CDH12: variants seen among roughly 807,000 people sequenced by gnomAD.
The protein encoded by CDH12 is cadherin-12.
In CDH12, 41 loss-of-function variants were observed where a neutral mutation model predicts 74.1. The ratio of observed to expected loss-of-function variants is 0.55; its 90% confidence interval spans 0.43 to 0.72. The LOEUF (loss-of-function observed/expected upper bound fraction) is 0.72, where lower values mean the gene tolerates loss of function less well. Among genes scored for constraint, CDH12 ranks in the 30% least tolerant of loss-of-function variants. The pLI, the probability that CDH12 is intolerant of heterozygous loss-of-function variation, is 0.00. For synonymous variants in CDH12, 399 were observed against 355.0 expected, an observed-to-expected ratio of 1.12 and a Z score of -1.39; for missense variants, 945 against 977.2, an observed-to-expected ratio of 0.97 and a Z score of 0.44.
intron 8 of CDH12, among the ~76,000 whole-genome samples, chr5:21,819,171 G>A (rs1748224972): frequency 6.6e-6 from 1 of 151,920 alleles, no homozygotes; most frequent in African/African-American, 2.4e-5. Flanking sequence ...AATTACATAA[G>A]CAGAATCTAT....
intron 1 of CDH12, among the ~76,000 whole-genome samples, chr5:22,620,681 T>G (rs1032034625): frequency 6.6e-6 from 1 of 152,170 alleles, no homozygotes; most frequent in Non-Finnish European, 1.5e-5. Flanking sequence ...AATGATCAAA[T>G]GCTAGGCTGC....
intron 1 of CDH12, among the ~76,000 whole-genome samples, chr5:22,598,908 G>C (rs1736723092): frequency 6.6e-6 from 1 of 152,034 alleles, no homozygotes; most frequent in South Asian, 2.1e-4. Flanking sequence ...TCCCTGACAT[G>C]TGCACAGCTG....
chr5:22,562,961 A>C (rs1199835108), intron 1 of CDH12, among the ~76,000 whole-genome samples: 2 of 147,804 alleles, frequency 1.4e-5, no homozygotes, highest in Non-Finnish European at 3.0e-5. Context: ...TATTTTATAT[A>C]ATGCATGTTT....
intron 6 of CDH12, among the ~76,000 whole-genome samples, chr5:21,885,689 C>CT (rs1191433986): frequency 6.6e-6 from 1 of 152,152 alleles, no homozygotes; most frequent in South Asian, 2.1e-4. Flanking sequence ...AGGATATTCA[C>CT]TTTTTATGCA....
chr5:21,797,382 C>G (rs1561193095), intron 10 of CDH12, among the ~76,000 whole-genome samples: 3 of 152,092 alleles, frequency 2.0e-5, no homozygotes, highest in Non-Finnish European at 4.4e-5. Flanking sequence ...TGTTTTCACT[C>G]TCATTCTTAA....
At chr5:22,247,478 C>A (rs1752988699) in intron 3 of CDH12, among the ~76,000 whole-genome samples, 1 of 152,036 alleles carries the variant, frequency 6.6e-6, no homozygotes, top group Non-Finnish European at 1.5e-5. Flanking sequence ...AGTTCGAGAC[C>A]AGCCTAGGCA....
intron 1 of CDH12, among the ~76,000 whole-genome samples, chr5:22,786,985 C>T (rs939235837): frequency 6.6e-6 from 1 of 151,908 alleles, no homozygotes; most frequent in Admixed American, 6.6e-5. Flanking sequence ...AAAAATTCAG[C>T]CCTCACACCT....
intron 4 of CDH12, among the ~76,000 whole-genome samples, chr5:22,117,713 T>G (rs1211754983): frequency 6.7e-6 from 1 of 150,044 alleles, no homozygotes; most frequent in Non-Finnish European, 1.5e-5. Context: ...AGCAAAGATA[T>G]GTGAGACAAA....
intron 2 of CDH12, among the ~76,000 whole-genome samples, chr5:22,416,851 C>T (rs775801584): frequency 3.9e-5 from 6 of 152,046 alleles, no homozygotes; most frequent in African/African-American, 1.2e-4. Flanking sequence ...CAGGACTGTA[C>T]GGTTTTAACT....
At chr5:22,196,944 A>G (rs1750652857) in intron 4 of CDH12, among the ~76,000 whole-genome samples, 1 of 152,186 alleles carries the variant, frequency 6.6e-6, no homozygotes. Context: ...ATCATGAAAA[A>G]TAATTGATGG....
intron 1 of CDH12, among the ~76,000 whole-genome samples, chr5:22,558,860 G>A (rs905097997): frequency 1.3e-5 from 2 of 152,024 alleles, no homozygotes; most frequent in South Asian, 2.1e-4. Context: ...AAGGGAAAGC[G>A]AGATGAACAT....
chr5:21,850,258 G>A (rs1169849929), intron 7 of CDH12, among the ~76,000 whole-genome samples: 2 of 151,470 alleles, frequency 1.3e-5, no homozygotes, highest in African/African-American at 4.8e-5. Flanking sequence ...TAATAATAGT[G>A]TATTGTACTT....
intron 4 of CDH12, among the ~76,000 whole-genome samples, chr5:22,112,349 T>C (rs992033478): frequency 1.3e-5 from 2 of 152,148 alleles, no homozygotes; most frequent in African/African-American, 4.8e-5. Context: ...TTCTTTTTGA[T>C]GCATTCATAT....
intron 3 of CDH12, among the ~76,000 whole-genome samples, chr5:22,377,515 C>A (rs1178945519): frequency 2.0e-5 from 3 of 152,094 alleles, no homozygotes; most frequent in African/African-American, 7.2e-5. Flanking sequence ...AGGCGACAAC[C>A]ATACACAAGT....
intron 6 of CDH12, among the ~76,000 whole-genome samples, chr5:21,903,742 TA>T: frequency 6.6e-6 from 1 of 151,302 alleles, no homozygotes; most frequent in East Asian, 1.9e-4. Flanking sequence ...ACAAAACAAA[TA>T]AAAACACAAA....
chr5:22,831,884 A>G (rs2126502083), intron 1 of CDH12, among the ~76,000 whole-genome samples: 1 of 152,190 alleles, frequency 6.6e-6, no homozygotes, highest in East Asian at 1.9e-4. Context: ...GTGACAAAGC[A>G]AGACTCTGTC....
intron 1 of CDH12, among the ~76,000 whole-genome samples, chr5:22,768,470 T>G (rs1160341577): frequency 6.6e-6 from 1 of 152,114 alleles, no homozygotes. Flanking sequence ...TAGATGGGTT[T>G]AAGGTGTAGA....
intron 3 of CDH12, among the ~76,000 whole-genome samples, chr5:22,227,999 C>CA (rs1318647201): frequency 6.6e-6 from 1 of 152,130 alleles, no homozygotes; most frequent in Non-Finnish European, 1.5e-5. Context: ...GGGATTTACT[C>CA]AAGTTTCAGC....
chr5:21,753,674 A>C (rs749146131), intron 14 of CDH12, among the ~76,000 whole-genome samples: 7 of 151,770 alleles, frequency 4.6e-5, no homozygotes, highest in Non-Finnish European at 1.5e-5. Context: ...ACCCTATGAC[A>C]GGACAAAGAG....
Sources: gnomAD v4.1 joint callset for allele counts (sites outside exome capture counted in the v4.1 genomes callset) on GRCh38, gnomAD v4.1.1 for gene constraint, MANE v1.5 for transcripts, NCBI Gene and HGNC (gene_info 2026-07-23, HGNC 2026-07-21) for gene names.